Variants in KDM2B observed in about 807,000 individuals in gnomAD.
KDM2B encodes lysine demethylase 2B.
A neutral mutation model predicts 150.0 loss-of-function variants in KDM2B; 26 were observed. The ratio of observed to expected loss-of-function variants is 0.17; its 90% CI spans 0.13 to 0.24. KDM2B has a LOEUF of 0.24. Ranked by LOEUF, KDM2B falls within the 10% of genes least tolerant of loss-of-function variation. KDM2B has a pLI of 1.00. For synonymous variants in KDM2B, 734 were observed against 729.5 expected, an observed-to-expected ratio of 1.01 and a Z score of -0.10; for missense variants, 1,265 against 1,816.9, an observed-to-expected ratio of 0.70 and a Z score of 5.52.
chr12:121,480,930 TTG>T (rs1555297747), intron 12 of KDM2B, among the ~76,000 whole-genome samples: 20 of 127,650 alleles, frequency 1.6e-4, no homozygotes, highest in African/African-American at 6.0e-4. Flanking sequence ...GTTTTTTTTG[TTG>T]TTTTTTTTTT....
At chr12:121,483,316 C>A (rs1439069392) in intron 12 of KDM2B, among the ~76,000 whole-genome samples, 1 of 151,910 alleles carries the variant, frequency 6.6e-6, no homozygotes, top group East Asian at 1.9e-4. Context: ...GCTCCAGTCT[C>A]AAGATGCTAG....
chr12:121,478,856 T>TTTTGTTTGTTTG (rs1218251899), intron 12 of KDM2B, among the ~76,000 whole-genome samples: 2 of 131,022 alleles, frequency 1.5e-5, no homozygotes, highest in African/African-American at 2.7e-5. Context: ...ACCGGCTAAT[T>TTTTGTTTGTTTG]TTTGTTTGTT....
Position 121,472,660 on chromosome 12 carries a change from T to C in KDM2B, c.1735-19316A>G, listed in dbSNP as rs145590903. 1.9e-4 allele frequency among the ~76,000 whole-genome samples: 29 copies of C among 152,326 alleles called. No individual in the cohort carries two copies. The East Asian group carries it at 3.5e-3, about 18-fold the overall frequency. On this transcript the variant is annotated intron_variant, in intron 12 of 22. Coordinates refer to ENST00000377071, the MANE Select transcript of KDM2B (RefSeq NM_032590.5). Reference sequence around the variant, plus strand: ...GACTGTGCACAGGATTTTTAAAAATTAACTAATTTAACAGGTGACTGGCAT... The same window carrying C: ...GACTGTGCACAGGATTTTTAAAAATCAACTAATTTAACAGGTGACTGGCAT...
chr12:121,574,193 G>A (rs1178802651), intron 4 of KDM2B, among the ~76,000 whole-genome samples: 1 of 152,098 alleles, frequency 6.6e-6, no homozygotes, highest in African/African-American at 2.4e-5. Flanking sequence ...CCCTCGCCTC[G>A]AAAGCCTTAA....
At chr12:121,456,123 T>C (rs1210301943) in intron 12 of KDM2B, among the ~76,000 whole-genome samples, 1 of 152,242 alleles carries the variant, frequency 6.6e-6, no homozygotes, top group East Asian at 1.9e-4. Flanking sequence ...GTAATTTGCC[T>C]GTGGTCATGG....
intron 12 of KDM2B, among the ~76,000 whole-genome samples, chr12:121,475,617 G>A (rs1347476001): frequency 6.6e-6 from 1 of 151,568 alleles, no homozygotes; most frequent in African/African-American, 2.4e-5. Flanking sequence ...AAAAAAAACA[G>A]GCACAGTGGC....
chr12:121,573,398 T>C (rs1247264571), intron 4 of KDM2B, among the ~76,000 whole-genome samples: 1 of 151,516 alleles, frequency 6.6e-6, no homozygotes, highest in Non-Finnish European at 1.5e-5. Flanking sequence ...TCCTCTCACC[T>C]CGGCCTCCAG....
chr12:121,532,084 G>A (rs1388392297), intron 8 of KDM2B, among the ~76,000 whole-genome samples: 5 of 151,630 alleles, frequency 3.3e-5, no homozygotes, highest in Admixed American at 6.6e-5. Flanking sequence ...TCACGCCACT[G>A]CACCCTAGCC....
intron 11 of KDM2B, among the ~76,000 whole-genome samples, chr12:121,505,285 CAAA>C (rs34080184): frequency 1.2e-5 from 1 of 84,402 alleles, no homozygotes; most frequent in Admixed American, 1.4e-4. Flanking sequence ...GATTGCATCT[CAAA>C]AAAAAAAAAA....
chr12:121,534,030 A>T (rs1410181256), intron 7 of KDM2B, among the ~76,000 whole-genome samples: 1 of 151,996 alleles, frequency 6.6e-6, no homozygotes, highest in Non-Finnish European at 1.5e-5. Context: ...ACAGAGCAAG[A>T]CCCTATCTCT....
At chr12:121,578,767 A>T in intron 2 of KDM2B, 35 bp downstream of exon 2, 4 of 1,374,728 alleles carry the variant, frequency 2.9e-6, no homozygotes, top group Non-Finnish European at 3.8e-6. Context: ...CTCGGCCCGC[A>T]GCGCAGAGGG....
At chr12:121,472,236 T>C (rs887866113) in intron 12 of KDM2B, among the ~76,000 whole-genome samples, 3 of 152,254 alleles carry the variant, frequency 2.0e-5, no homozygotes, top group Non-Finnish European at 4.4e-5. Flanking sequence ...TTTTACCATT[T>C]GTCTCTGCTC....
chr12:121,531,903 G>A (rs1414039724), intron 8 of KDM2B, among the ~76,000 whole-genome samples: 2 of 152,114 alleles, frequency 1.3e-5, no homozygotes, highest in African/African-American at 4.8e-5. Context: ...GACCAGCCGG[G>A]ACAACATGGC....
At chr12:121,559,935 T>C (rs1420571105) in intron 4 of KDM2B, among the ~76,000 whole-genome samples, 37 of 151,728 alleles carry the variant, frequency 2.4e-4, no homozygotes, top group Non-Finnish European at 1.9e-4. Flanking sequence ...ACATCTATGA[T>C]ATATATATGA....
Position 121,442,936 on chromosome 12 carries a change from G to A in KDM2B, c.2604+56C>T. The A allele has an allele frequency of 6.2e-7, 1 of 1,602,890 alleles. No homozygotes were observed. Among genetic ancestry groups the A allele is most frequent in the Non-Finnish European group, 8.5e-7 (1 of 1,174,530 alleles). ...CCACGGGACTGTGGCCCAGGGAGCT[G>A]CGGTGCAGCTCTAACCGCTCAGGCC... On this transcript the variant is annotated intron_variant, in intron 18 of 22. Transcript: ENST00000377071. The surrounding 1 kb of genome is among the most constrained non-coding windows in gnomAD (Gnocchi z 7.7).
chr12:121,525,228 A>G (rs74240723), intron 8 of KDM2B, among the ~76,000 whole-genome samples: 21,777 of 152,058 alleles, frequency 0.14, 4,365 homozygotes, highest in African/African-American at 0.44. Flanking sequence ...ACGCCACCCC[A>G]TGTTTAAAAA....
At position 121,443,024 on chromosome 12, in the gene KDM2B, G is replaced by A. The variant is rs782450732; in HGVS notation, c.2572C>T (p.Pro858Ser). Residue 858 changes from proline (P) to serine (S), a missense_variant, in exon 18 of 23, where the codon CCT becomes TCT. Pro to Ser is a moderately conservative substitution (Grantham distance 74). Transcript: ENST00000377071. ...CTGAAAAGCTTATCTTCTTTGCCAG[G>A]TTTGAGCTGTCACGAAAAAGAAAGG... The part of the protein sequence containing the change: ...SLTYFQQQLK[P>S]GKEDKLFRKK... The A allele has an allele frequency of 2.5e-6, 4 of 1,612,788 alleles. No homozygotes were observed. The highest frequency in any genetic ancestry group is 2.7e-5 in the African/African-American group (2 of 75,034).
In KDM2B at chr12:121,534,557, G is replaced by A. The variant is rs782358759; in HGVS notation, c.717C>T (p.Thr239=). 8.1e-6 allele frequency: 13 copies of A among 1,613,970 alleles called. No homozygotes were observed. Among genetic ancestry groups the A allele is most frequent in the Middle Eastern group, 3.3e-4 (2 of 6,062 alleles). Residue 239 remains threonine (T), a synonymous_variant, in exon 7 of 23, where the codon ACC becomes ACT. Transcript: ENST00000377071. ...YCLMSVKGCF[T]DFHIDFGGTS... is the part of the protein sequence containing the mutation. ...TGCCTCCAAAGTCGATGTGGAAGTC[G>A]GTGAAACAACCTTTCACGCTCATCA...
chr12:121,493,059 CTTTTTTTTT>C (rs61628112), intron 12 of KDM2B, among the ~76,000 whole-genome samples: 3 of 54,080 alleles, frequency 5.5e-5, no homozygotes, highest in African/African-American at 1.2e-4. Flanking sequence ...TCATGCCTGG[CTTTTTTTTT>C]TTTTTTTTTT....
Sources: gnomAD v4.1 joint callset for allele counts (sites outside exome capture counted in the v4.1 genomes callset) on GRCh38, gnomAD v4.1.1 for gene constraint, Gnocchi (gnomAD v3.1) non-coding constraint, MANE v1.5 for transcripts, NCBI Gene and HGNC (gene_info 2026-07-23, HGNC 2026-07-21) for gene names.